COL23A1: variants seen among roughly 807,000 people sequenced by gnomAD.
COL23A1 encodes collagen type XXIII alpha 1 chain.
A neutral mutation model predicts 99.3 loss-of-function variants in COL23A1; 97 were observed. The observed-to-expected ratio is 0.98, with a 90% confidence interval of 0.83 to 1.16. COL23A1 has a LOEUF of 1.16. Among genes scored for constraint, COL23A1 ranks in the 50% most tolerant of loss-of-function variants. The probability of loss-of-function intolerance (pLI) is 0.00; values close to 1 mark genes in which losing one functional copy is unlikely to be tolerated. For missense variants in COL23A1, 762 were observed against 757.4 expected, an observed-to-expected ratio of 1.01 and a Z score of -0.07; for synonymous variants, 320 against 308.2, an observed-to-expected ratio of 1.04 and a Z score of -0.40.
At chr5:178,319,596 G>A (rs1261023055) in intron 2 of COL23A1, among the ~76,000 whole-genome samples, 27 of 152,172 alleles carry the variant, frequency 1.8e-4, no homozygotes, top group Admixed American at 1.7e-3. Context: ...TGCAACATGC[G>A]CCGTCCGCTC....
At chr5:178,450,973 G>A (rs905752844) in intron 2 of COL23A1, among the ~76,000 whole-genome samples, 4 of 152,110 alleles carry the variant, frequency 2.6e-5, no homozygotes, top group South Asian at 2.1e-4. Flanking sequence ...TTCTAAGAAC[G>A]TACTACTTAA....
Position 178,589,984 on chromosome 5 carries a change from G to A in COL23A1, c.214C>T (p.Arg72Trp). Residue 72 changes from arginine (R) to tryptophan (W), a missense_variant, in exon 1 of 29, where the codon CGG becomes TGG. Physicochemically the swap from Arg to Trp is moderately radical, Grantham distance 101. Transcript: ENST00000390654. This position sits in a 1 kb window ranked among gnomAD's most constrained non-coding sequence, Gnocchi z 5.4. ...QGRVAALEEERELLRRAGPPG... is the reference protein window; with the variant it reads ...QGRVAALEEEWELLRRAGPPG... ...GGCCCCGCGCGCCGCAGCAGCTCCC[G>A]CTCCTCCTCGAGCGCCGCCACCCGG... is the stretch of plus-strand genomic sequence containing the variant. The A allele has an allele frequency of 7.5e-7, 1 of 1,340,396 alleles. No individual in the cohort carries two copies. Among genetic ancestry groups the A allele is most frequent in the South Asian group, 1.9e-5 (1 of 52,764 alleles). The allele number at this position is 1,340,396 out of a possible 1,614,324, so 83.0% of individuals were successfully genotyped here.
chr5:178,524,020 G>C (rs1224481636), intron 2 of COL23A1, among the ~76,000 whole-genome samples: 1 of 152,202 alleles, frequency 6.6e-6, no homozygotes, highest in African/African-American at 2.4e-5. Flanking sequence ...CGTCTGCGGG[G>C]ACACTGGTTC....
At chr5:178,503,786 A>C (rs182029243) in intron 2 of COL23A1, among the ~76,000 whole-genome samples, 3 of 152,038 alleles carry the variant, frequency 2.0e-5, no homozygotes, top group Admixed American at 2.0e-4. Context: ...AATTCTGTGA[A>C]TTTGAAATTA....
intron 2 of COL23A1, chr5:178,438,911 T>C (rs1049141011): frequency 1.3e-5 from 2 of 152,176 alleles, no homozygotes; most frequent in African/African-American, 4.8e-5. Flanking sequence ...GTGCACAGGC[T>C]TCCCCCTGTC....
intron 2 of COL23A1, among the ~76,000 whole-genome samples, chr5:178,397,140 CTGG>C (rs1447849069): frequency 2.6e-5 from 4 of 152,230 alleles, no homozygotes; most frequent in African/African-American, 9.6e-5. Flanking sequence ...GGCAGCATGG[CTGG>C]GCTGGCAGGA....
Position 178,255,077 on chromosome 5 carries a change from G to A in COL23A1, c.883-51C>T, listed in dbSNP as rs1293959594. Reference sequence around the variant, plus strand: ...TTCAGGGAAGAGCTACACTGAGTTGGAGGTGAAGTGGCAGCTGTCCCTGCA... The same window carrying A: ...TTCAGGGAAGAGCTACACTGAGTTGAAGGTGAAGTGGCAGCTGTCCCTGCA... On this transcript the variant is annotated intron_variant, in intron 15 of 28. Coordinates refer to ENST00000390654, the MANE Select transcript of COL23A1 (RefSeq NM_173465.4). The surrounding 1 kb of genome is among the most constrained non-coding windows in gnomAD (Gnocchi z 4.2). 4 of 1,464,270 alleles carry A rather than the reference G, an allele frequency of 2.7e-6. No individual in the cohort carries two copies. The highest frequency in any genetic ancestry group is 1.4e-5 in the African/African-American group (1 of 71,894). The allele number at this position is 1,464,270 out of a possible 1,614,324, so 90.7% of individuals were successfully genotyped here.
intron 8 of COL23A1, among the ~76,000 whole-genome samples, chr5:178,265,328 C>G (rs1466269621): frequency 6.6e-6 from 1 of 152,170 alleles, no homozygotes; most frequent in African/African-American, 2.4e-5. Context: ...GTTAGGTCAC[C>G]AGGTATGGGT....
At chr5:178,274,742 C>T (rs1756491941) in intron 5 of COL23A1, among the ~76,000 whole-genome samples, 1 of 152,192 alleles carries the variant, frequency 6.6e-6, no homozygotes, top group Admixed American at 6.5e-5. Context: ...CAGGGCTCAG[C>T]CTTGCAGGGC....
At chr5:178,238,817 C>A (rs558221220) in intron 28 of COL23A1, 117 bp from the exon 29 acceptor site, 29 of 1,385,060 alleles carry the variant, frequency 2.1e-5, no homozygotes, top group South Asian at 6.9e-5. Flanking sequence ...TCCCTCCCCC[C>A]ACTCCCTCTC....
chr5:178,284,076 A>T (rs1263596096), intron 5 of COL23A1, among the ~76,000 whole-genome samples: 5 of 152,224 alleles, frequency 3.3e-5, no homozygotes, highest in African/African-American at 9.6e-5. Flanking sequence ...CTACCCCAAA[A>T]TGCAAGAGTG....
chr5:178,452,731 G>A (rs12657817), intron 2 of COL23A1, among the ~76,000 whole-genome samples: 69,937 of 152,014 alleles, frequency 0.46, 18,303 homozygotes, highest in African/African-American at 0.72. Context: ...ACTGCAAATT[G>A]AAACTTCTCC....
chr5:178,572,368 G>C (rs1213964584), intron 1 of COL23A1, among the ~76,000 whole-genome samples: 1 of 151,962 alleles, frequency 6.6e-6, no homozygotes, highest in African/African-American at 2.4e-5. Context: ...TTGAAGAATA[G>C]TCAAAAAGTG....
At chr5:178,530,877 A>T (rs1208505836) in intron 2 of COL23A1, among the ~76,000 whole-genome samples, 2 of 152,012 alleles carry the variant, frequency 1.3e-5, no homozygotes, top group Non-Finnish European at 2.9e-5. Context: ...ATAAGCATTA[A>T]TTTTTTTGAG....
Position 178,507,437 on chromosome 5 carries a change from G to A in COL23A1, c.361+53245C>T, listed in dbSNP as rs376758617. Among the ~76,000 whole-genome samples, 3 of 152,182 alleles carry A rather than the reference G, an allele frequency of 2.0e-5. No homozygotes were observed. In the East Asian group the frequency reaches 5.8e-4, roughly 29 times the overall value. On this transcript the variant is annotated intron_variant, in intron 2 of 28. Transcript: ENST00000390654. ...GAATCCTCCCCCTCACTGTGAAACC[G>A]TTAGCTGGCCACTTCCCGTGCAAAG...
At chr5:178,546,284 C>A (rs1313310586) in intron 2 of COL23A1, among the ~76,000 whole-genome samples, 2 of 152,202 alleles carry the variant, frequency 1.3e-5, no homozygotes, top group Admixed American at 1.3e-4. Flanking sequence ...CCCGTTCCTG[C>A]CTAAATTCCG....
chr5:178,368,558 T>C (rs954282895), intron 2 of COL23A1, among the ~76,000 whole-genome samples: 1 of 152,174 alleles, frequency 6.6e-6, no homozygotes, highest in African/African-American at 2.4e-5. Flanking sequence ...CACGGAGTAG[T>C]TCCACTGCCC....
intron 2 of COL23A1, among the ~76,000 whole-genome samples, chr5:178,452,625 G>A (rs56135911): frequency 0.24 from 36,741 of 152,032 alleles, 5,230 homozygotes; most frequent in Middle Eastern, 0.34. Context: ...AAGGAGTGCC[G>A]ACAAATTGCT....
intron 3 of COL23A1, among the ~76,000 whole-genome samples, chr5:178,296,486 G>A (rs967669850): frequency 6.6e-6 from 1 of 152,178 alleles, no homozygotes; most frequent in African/African-American, 2.4e-5. Context: ...CACGACCCCC[G>A]CGGATCCCAC....
Sources: gnomAD v4.1 joint callset for allele counts (sites outside exome capture counted in the v4.1 genomes callset) on GRCh38, gnomAD v4.1.1 for gene constraint, Gnocchi (gnomAD v3.1) non-coding constraint, MANE v1.5 for transcripts, NCBI Gene and HGNC (gene_info 2026-07-23, HGNC 2026-07-21) for gene names.